NELFCD: variants seen among roughly 807,000 people sequenced by gnomAD.
NELFCD encodes the protein negative elongation factor complex member C/D, also known as negative elongation factor C/D.
In NELFCD, 48 loss-of-function variants were observed where a neutral mutation model predicts 72.9. The ratio of observed to expected loss-of-function variants is 0.66; its 90% CI spans 0.52 to 0.84. The LOEUF (loss-of-function observed/expected upper bound fraction) is 0.84, where lower values mean the gene tolerates loss of function less well. Among genes scored for constraint, NELFCD ranks in the 40% least tolerant of loss-of-function variants. The probability of loss-of-function intolerance (pLI) is 0.00; values close to 1 mark genes in which losing one functional copy is unlikely to be tolerated. For missense variants in NELFCD, 538 were observed against 723.8 expected (o/e 0.74, Z 2.94); for synonymous variants, 297 against 280.6 (o/e 1.06, Z -0.59).
At position 58,990,943 on chromosome 20, in the gene NELFCD, G is replaced by A. The variant is rs1386709731; in HGVS notation, c.822G>A (p.Leu274=). ...GHDASQITLA[L]GTAASYPRAC... ...ACGCCAGTCAGATCACACTAGCCTTGGGCACAGCTGCCTCCTACCCCAGGG... is the reference window on the plus strand; with the variant it reads ...ACGCCAGTCAGATCACACTAGCCTTAGGCACAGCTGCCTCCTACCCCAGGG... The change falls in exon 8 of 15, where the codon TTG becomes TTA. Residue 274 remains leucine, a synonymous_variant. Transcript: ENST00000652272. The A allele has an allele frequency of 6.2e-7, 1 of 1,614,154 alleles. No individual in the cohort carries two copies. Among genetic ancestry groups the A allele is most frequent in the South Asian group, 1.1e-5 (1 of 91,082 alleles).
intron 9 of NELFCD, 34 bp from the exon 10 acceptor site, chr20:58,991,845 CCT>C: frequency 6.2e-7 from 1 of 1,607,762 alleles, no homozygotes; most frequent in Non-Finnish European, 8.5e-7. Context: ...GGATATCTGC[CCT>C]GTCAGGCTCA....
chr20:58,984,457 A>C (rs934481890), intron 1 of NELFCD, among the ~76,000 whole-genome samples: 1 of 152,182 alleles, frequency 6.6e-6, no homozygotes, highest in Non-Finnish European at 1.5e-5. Context: ...CAAATGTGGA[A>C]AGAAGGACCA....
Position 58,987,697 on chromosome 20 carries a change from T to G in NELFCD, c.287-11T>G. On this transcript the variant is annotated splice_polypyrimidine_tract_variant and intron_variant, in intron 3 of 14. Transcript: ENST00000652272. ...GCTTGCCATTGTCTAGTTGCTTTTA[T>G]TCTCTTTCAGGTGTTGAGCCAGTGC... 6.2e-7 allele frequency: 1 copy of G among 1,610,480 alleles called. No individual in the cohort carries two copies. Among genetic ancestry groups the G allele is most frequent in the Non-Finnish European group, 8.5e-7 (1 of 1,177,308 alleles).
intron 1 of NELFCD, among the ~76,000 whole-genome samples, chr20:58,983,828 A>G (rs1465773010): frequency 6.6e-6 from 1 of 152,132 alleles, no homozygotes; most frequent in African/African-American, 2.4e-5. Flanking sequence ...TTATTTGCCC[A>G]AGTTTGTGCA....
chr20:58,988,641 C>G (rs775576805), intron 4 of NELFCD, among the ~76,000 whole-genome samples: 24 of 152,110 alleles, frequency 1.6e-4, no homozygotes, highest in Non-Finnish European at 2.9e-4. Context: ...TGCAAGGCAG[C>G]TCTATGCGGT....
In NELFCD at chr20:58,994,801, A is replaced by G; in HGVS notation, c.*125A>G. 1 of 770,318 alleles carries G rather than the reference A, an allele frequency of 1.3e-6. No homozygotes were observed. The highest frequency in any genetic ancestry group is 2.2e-5 in the Admixed American group (1 of 44,626). The allele number at this position is 770,318 out of a possible 1,614,324, so 47.7% of individuals were successfully genotyped here. ...AATGGGCACCGCTGGGAGGAGGTGG[A>G]TGACTTCTTTACAAAGGAAAATGGT... On this transcript the variant is annotated 3_prime_UTR_variant, in exon 15 of 15. Coordinates refer to ENST00000652272, the MANE Select transcript of NELFCD (RefSeq NM_198976.4).
rs6026639 is a variant in NELFCD at position 58,990,179 on chromosome 20, C to T, written c.788+191C>T. On this transcript the variant is annotated intron_variant, in intron 7 of 14. Coordinates refer to ENST00000652272, the MANE Select transcript of NELFCD (RefSeq NM_198976.4). ...TGGGAGGCCGAGGCGGATGGATCAC[C>T]TAAGGTCAGGAGTTTGAGACCAGCT... 9.2e-6 allele frequency: 6 copies of T among 654,092 alleles called. No individual in the cohort carries two copies. The Admixed American group carries it at 1.2e-4, about 13-fold the overall frequency. 40.5% of individuals were successfully genotyped at this position (654,092 alleles called of 1,614,324 possible). A position where few individuals can be genotyped will look rare whatever the true frequency, so the allele number is the denominator to read the frequency against.
intron 4 of NELFCD, 33 bp downstream of exon 4, chr20:58,987,850 G>C (rs2091783930): frequency 6.4e-7 from 1 of 1,556,594 alleles, no homozygotes; most frequent in Admixed American, 1.7e-5. Flanking sequence ...CTAGTACCAG[G>C]CCCTAGGGTC....
Position 58,993,321 on chromosome 20 carries a change from C to T in NELFCD, c.1345-128C>T, listed in dbSNP as rs2091830983. The T allele has an allele frequency of 1.1e-6, 1 of 928,062 alleles. No homozygotes were observed. Among genetic ancestry groups the T allele is most frequent in the East Asian group, 2.6e-5 (1 of 38,318 alleles). The allele number at this position is 928,062 out of a possible 1,614,324, so 57.5% of individuals were successfully genotyped here. On this transcript the variant is annotated intron_variant, in intron 11 of 14. Transcript: ENST00000652272. This position sits in a 1 kb window ranked among gnomAD's most constrained non-coding sequence, Gnocchi z 5.0. Reference sequence around the variant, plus strand: ...GTCAAGTGTTACTGGAAGCTGATGGCCCTGGCTTAGGTGTCAGGACCTTCT... The same window carrying T: ...GTCAAGTGTTACTGGAAGCTGATGGTCCTGGCTTAGGTGTCAGGACCTTCT...
At chr20:58,992,948 T>C (rs2091828491) in intron 10 of NELFCD, 50 bp from the exon 11 acceptor site, 1 of 1,316,838 alleles carries the variant, frequency 7.6e-7, no homozygotes, top group Admixed American at 1.7e-5. Flanking sequence ...TTCTAGCATA[T>C]TTTGTGTTTT....
chr20:58,986,420 C>A lies in NELFCD; in HGVS notation c.176+212C>A. On this transcript the variant is annotated intron_variant, in intron 2 of 14. Coordinates refer to ENST00000652272, the MANE Select transcript of NELFCD (RefSeq NM_198976.4). This position sits in a 1 kb window ranked among gnomAD's most constrained non-coding sequence, Gnocchi z 4.4. ...GCAGTGGCACAATCACCGCTCACTG[C>A]AGCTTCAGCCTCCTGGAATCAAGCA... The A allele has an allele frequency of 1.8e-6, 1 of 560,820 alleles. No homozygotes were observed. Among genetic ancestry groups the A allele is most frequent in the Non-Finnish European group, 3.1e-6 (1 of 320,112 alleles). The allele number at this position is 560,820 out of a possible 1,614,324, so 34.7% of individuals were successfully genotyped here.
In NELFCD at chr20:58,981,279, G is replaced by T; in HGVS notation, c.-31G>T. Reference sequence around the variant, plus strand: ...GCATGCGCCGCGCTCGCTCGCGGGAGGGCATGGCGGGGGCCGTGCCGGGCG... The same window carrying T: ...GCATGCGCCGCGCTCGCTCGCGGGATGGCATGGCGGGGGCCGTGCCGGGCG... On this transcript the variant is annotated 5_prime_UTR_variant, in exon 1 of 15. In the 5' UTR this introduces an upstream ATG that the reference lacks. Transcript: ENST00000652272. 9.4e-7 allele frequency: 1 copy of T among 1,067,694 alleles called. No homozygotes were observed. Among genetic ancestry groups the T allele is most frequent in the South Asian group, 4.0e-5 (1 of 25,212 alleles). The allele number at this position is 1,067,694 out of a possible 1,614,324, so 66.1% of individuals were successfully genotyped here. A position where few individuals can be genotyped will look rare whatever the true frequency, so the allele number is the denominator to read the frequency against.
intron 7 of NELFCD, 115 bp downstream of exon 7, chr20:58,990,103 A>C: frequency 7.0e-7 from 1 of 1,426,956 alleles, no homozygotes; most frequent in Non-Finnish European, 9.4e-7. Context: ...ACGTAGAGGT[A>C]AACTTGCTTT....
Position 58,990,176 on chromosome 20 carries a change from C to T in NELFCD, c.788+188C>T, listed in dbSNP as rs140587965. On this transcript the variant is annotated intron_variant, in intron 7 of 14. Coordinates refer to ENST00000652272, the MANE Select transcript of NELFCD (RefSeq NM_198976.4). ...CTTTGGGAGGCCGAGGCGGATGGATCACCTAAGGTCAGGAGTTTGAGACCA... is the reference window on the plus strand; with the variant it reads ...CTTTGGGAGGCCGAGGCGGATGGATTACCTAAGGTCAGGAGTTTGAGACCA... The T allele has an allele frequency of 1.5e-3, 957 of 659,486 alleles. 10 individuals carry two copies. The African/African-American group carries it at 0.015, about 10-fold the overall frequency. 40.9% of individuals were successfully genotyped at this position (659,486 alleles called of 1,614,324 possible). A position where few individuals can be genotyped will look rare whatever the true frequency, so the allele number is the denominator to read the frequency against.
At position 58,981,317 on chromosome 20, in the gene NELFCD, AGGACTACTACG is replaced by A; in HGVS notation, c.12_22del (p.Asp4GlufsTer10). The stretch of plus-strand genomic sequence containing the variant: ...GCCGTGCCGGGCGCCATCATGGACG[AGGACTACTACG>A]GGAGCGCGGCCGAGTGGGGCGACGA... On this transcript the variant is annotated frameshift_variant, in exon 1 of 15. Coordinates refer to ENST00000652272, the MANE Select transcript of NELFCD (RefSeq NM_198976.4). LOFTEE classifies it high-confidence loss of function. The A allele has an allele frequency of 9.1e-7, 1 of 1,095,574 alleles. No individual in the cohort carries two copies. Among genetic ancestry groups the A allele is most frequent in the Non-Finnish European group, 1.1e-6 (1 of 897,286 alleles). 67.9% of individuals were successfully genotyped at this position (1,095,574 alleles called of 1,614,324 possible). A position where few individuals can be genotyped will look rare whatever the true frequency, so the allele number is the denominator to read the frequency against.
intron 14 of NELFCD, 107 bp from the exon 15 acceptor site, chr20:58,994,535 C>T (rs1364315836): frequency 1.0e-6 from 1 of 961,394 alleles, no homozygotes; most frequent in East Asian, 2.4e-5. Context: ...GCACTCTATC[C>T]TGGGCAACAA....
chr20:58,993,978 G>A lies in NELFCD; in HGVS notation c.1582-132G>A. The A allele has an allele frequency of 2.6e-6, 3 of 1,173,090 alleles. No individual in the cohort carries two copies. The highest frequency in any genetic ancestry group is 1.5e-5 in the African/African-American group (1 of 66,084). The allele number at this position is 1,173,090 out of a possible 1,614,324, so 72.7% of individuals were successfully genotyped here. On this transcript the variant is annotated intron_variant, in intron 13 of 14. Transcript: ENST00000652272. This position sits in a 1 kb window ranked among gnomAD's most constrained non-coding sequence, Gnocchi z 5.0. ...TTACCACCCTGGGCATCTGAATGTT[G>A]GAGATGGGTGGTGTCACCGGCCGGT...
At chr20:58,988,568 T>G (rs1046039833) in intron 4 of NELFCD, among the ~76,000 whole-genome samples, 1 of 152,160 alleles carries the variant, frequency 6.6e-6, no homozygotes, top group Non-Finnish European at 1.5e-5. Context: ...CTGTGCCATT[T>G]AAATGGCCTC....
At position 58,993,489 on chromosome 20, in the gene NELFCD, A is replaced by G; in HGVS notation, c.1385A>G (p.Gln462Arg). ...CAGCTCCTGCACCCCCAGGTCCTGC[A>G]GCTGCTTGTTAAGCTTTTTGAGACT... Reference protein sequence around the residue: ...CHQLLHPQVLQLLVKLFETEH... With the variant: ...CHQLLHPQVLRLLVKLFETEH... The change falls in exon 12 of 15, where the codon CAG (glutamine) becomes CGG (arginine). Residue 462 changes from glutamine to arginine, a missense_variant. Physicochemically the swap from Gln to Arg is conservative, Grantham distance 43. Coordinates refer to ENST00000652272, the MANE Select transcript of NELFCD (RefSeq NM_198976.4). This position sits in a 1 kb window ranked among gnomAD's most constrained non-coding sequence, Gnocchi z 5.0. 2 of 1,614,178 alleles carry G rather than the reference A, an allele frequency of 1.2e-6. No individual in the cohort carries two copies. Among genetic ancestry groups the G allele is most frequent in the Non-Finnish European group, 1.7e-6 (2 of 1,180,042 alleles).
Sources: allele counts gnomAD v4.1 joint callset (sites outside exome capture counted in the v4.1 genomes callset), GRCh38; gene constraint gnomAD v4.1.1; non-coding constraint Gnocchi (gnomAD v3.1); transcripts MANE v1.5; gene names NCBI Gene and HGNC (gene_info 2026-07-23, HGNC 2026-07-21).